The following UGT1A10 variants were observed in gnomAD, a reference collection of about 807,000 sequenced individuals.
UGT1A10 encodes UDP-glucuronosyltransferase 1A10.
Under a neutral mutation model 45.8 loss-of-function variants are expected in UGT1A10, and 49 were observed. The observed-to-expected ratio is 1.07, with a 90% CI of 0.85 to 1.36. UGT1A10 has a LOEUF of 1.36. Among genes scored for constraint, UGT1A10 ranks in the 40% most tolerant of loss-of-function variants. The pLI is 0.00. For missense variants in UGT1A10, 745 were observed against 668.6 expected (o/e 1.11, Z -1.26); for synonymous variants, 284 against 249.7 (o/e 1.14, Z -1.29).
chr2:233,760,886 AT>A (rs763109127), intron 1 of UGT1A10: 1 of 1,613,934 alleles, frequency 6.2e-7, no homozygotes, highest in East Asian at 2.2e-5. Context: ...CTCTCCTCTC[AT>A]TCAGATCACA....
At chr2:233,719,414 A>G (rs1348956274) in intron 1 of UGT1A10, 9 of 1,613,880 alleles carry the variant, frequency 5.6e-6, no homozygotes, top group Non-Finnish European at 7.6e-6. Context: ...CTAAGTTACT[A>G]ACGACCAATT....
intron 1 of UGT1A10, among the ~76,000 whole-genome samples, chr2:233,731,771 A>T (rs1045763879): frequency 6.6e-6 from 1 of 152,184 alleles, no homozygotes; most frequent in Non-Finnish European, 1.5e-5. Flanking sequence ...TTAGAGTAGT[A>T]TCATTTATAA....
rs531044910 is a variant in UGT1A10, at chr2:233,751,112, A to G, written c.856-15922A>G. 2.6e-5 allele frequency among the ~76,000 whole-genome samples: 4 copies of G among 152,082 alleles called. No homozygotes were observed. The South Asian group carries it at 8.3e-4, about 32-fold the overall frequency. On this transcript the variant is annotated intron_variant, in intron 1 of 4. Transcript: ENST00000344644. ...GGAGGAGGGCTTTGCCCTGCAAGCCACAGTGTCCAAGTTGCCTGAGACTGT... is the reference window on the plus strand; with the variant it reads ...GGAGGAGGGCTTTGCCCTGCAAGCCGCAGTGTCCAAGTTGCCTGAGACTGT...
chr2:233,744,723 G>C (rs187577100), intron 1 of UGT1A10, among the ~76,000 whole-genome samples: 1 of 151,758 alleles, frequency 6.6e-6, no homozygotes, highest in African/African-American at 2.4e-5. Context: ...AGAGAATGAC[G>C]GTGAAAAAAT....
At chr2:233,715,903 T>C (rs995195646) in intron 1 of UGT1A10, among the ~76,000 whole-genome samples, 1 of 152,162 alleles carries the variant, frequency 6.6e-6, no homozygotes, top group Non-Finnish European at 1.5e-5. Context: ...GAGGCTCAGG[T>C]GGGAGGATCA....
rs1300409314 is a variant in UGT1A10, at chr2:233,693,558, G to A, written c.855+56181G>A. On this transcript the variant is annotated intron_variant, in intron 1 of 4. Transcript: ENST00000344644. The stretch of plus-strand genomic sequence containing the variant: ...TCCCTGGAGCATACATTCAGCAGAA[G>A]CCCAGACCCTGTGTCCTACATTCCC... 1.9e-6 allele frequency: 3 copies of A among 1,614,094 alleles called. No individual in the cohort carries two copies. Among genetic ancestry groups the A allele is most frequent in the African/African-American group, 2.7e-5 (2 of 74,926 alleles).
intron 1 of UGT1A10, among the ~76,000 whole-genome samples, chr2:233,668,723 A>G (rs1385868239): frequency 6.6e-6 from 1 of 152,180 alleles, no homozygotes; most frequent in East Asian, 1.9e-4. Flanking sequence ...ACCTATGTAC[A>G]TTTATCACAA....
chr2:233,697,449 T>C (rs2075391490), intron 1 of UGT1A10, among the ~76,000 whole-genome samples: 1 of 152,002 alleles, frequency 6.6e-6, no homozygotes, highest in Non-Finnish European at 1.5e-5. Flanking sequence ...TGATTTTATC[T>C]GAGTGTTTTC....
chr2:233,638,030 C>T (rs2073347815), intron 1 of UGT1A10, among the ~76,000 whole-genome samples: 1 of 152,124 alleles, frequency 6.6e-6, no homozygotes, highest in African/African-American at 2.4e-5. Context: ...AAACACTCTT[C>T]AATACTTTCC....
rs371652390 is a variant in UGT1A10 at position 233,672,650 on chromosome 2, T to A, written c.855+35273T>A. The A allele has an allele frequency of 7.4e-6, 12 of 1,613,830 alleles. 1 individual carries two copies. The highest frequency in any genetic ancestry group is 1.0e-5 in the Non-Finnish European group (12 of 1,179,846). ...GCCTCTGAAATTCTCCAAACACCTG[T>A]TACGGAGTATGATCTCTACAGCCAC... is the stretch of plus-strand genomic sequence containing the variant. On this transcript the variant is annotated intron_variant, in intron 1 of 4. Coordinates refer to ENST00000344644, the MANE Select transcript of UGT1A10 (RefSeq NM_019075.4).
At chr2:233,760,900 A>G in intron 1 of UGT1A10, 1 of 1,613,770 alleles carries the variant, frequency 6.2e-7, no homozygotes, top group Non-Finnish European at 8.5e-7. Context: ...AGATCACATG[A>G]CCTTCCTGCA....
intron 1 of UGT1A10, among the ~76,000 whole-genome samples, chr2:233,731,747 G>A (rs1273441220): frequency 1.3e-5 from 2 of 152,080 alleles, no homozygotes; most frequent in Non-Finnish European, 2.9e-5. Flanking sequence ...ATAAACATAC[G>A]TGTGCATGTG....
intron 1 of UGT1A10, among the ~76,000 whole-genome samples, chr2:233,638,474 C>T (rs937445847): frequency 6.6e-6 from 1 of 152,092 alleles, no homozygotes; most frequent in Non-Finnish European, 1.5e-5. Flanking sequence ...GATATTTGTA[C>T]TGCTTCTTTT....
At chr2:233,666,534 T>C (rs536128624) in intron 1 of UGT1A10, among the ~76,000 whole-genome samples, 3 of 152,336 alleles carry the variant, frequency 2.0e-5, no homozygotes, top group African/African-American at 7.2e-5. Context: ...TAAAAAACAT[T>C]TTTTAAAATT....
Position 233,719,322 on chromosome 2 carries a change from C to T in UGT1A10, c.856-47712C>T, listed in dbSNP as rs773289420. On this transcript the variant is annotated intron_variant, in intron 1 of 4. Transcript: ENST00000344644. ...GGTGCTGGCTAAGTACCTGTCGATT[C>T]CTGCTGTGTTTTTTTGGAGGTACAT... The T allele has an allele frequency of 3.1e-6, 5 of 1,613,788 alleles. No individual in the cohort carries two copies. In the African/African-American group the frequency reaches 6.7e-5, roughly 22 times the overall value.
chr2:233,719,467 A>G (rs1275256399), intron 1 of UGT1A10: 3 of 1,613,820 alleles, frequency 1.9e-6, no homozygotes, highest in South Asian at 1.1e-5. Flanking sequence ...AACATGCTCT[A>G]CCCTCTGGCC....
chr2:233,707,771 T>A (rs1389608234), intron 1 of UGT1A10, among the ~76,000 whole-genome samples: 1 of 152,230 alleles, frequency 6.6e-6, no homozygotes, highest in African/African-American at 2.4e-5. Context: ...AGTGGGTTTT[T>A]AGAGTATATA....
chr2:233,699,996 C>G (rs1237740958), intron 1 of UGT1A10, among the ~76,000 whole-genome samples: 1 of 152,194 alleles, frequency 6.6e-6, no homozygotes, highest in African/African-American at 2.4e-5. Flanking sequence ...ATTACTCTGG[C>G]TCAAAATGTC....
intron 1 of UGT1A10, among the ~76,000 whole-genome samples, chr2:233,748,325 G>C (rs574436973): frequency 6.6e-6 from 1 of 151,854 alleles, no homozygotes; most frequent in East Asian, 1.9e-4. Context: ...GGACTGATGT[G>C]ACTCATGGAG....
Sources: allele counts gnomAD v4.1 joint callset (sites outside exome capture counted in the v4.1 genomes callset), GRCh38; gene constraint gnomAD v4.1.1; transcripts MANE v1.5; gene names NCBI Gene and HGNC (gene_info 2026-07-23, HGNC 2026-07-21).